CD300LG: variants seen among roughly 807,000 people sequenced by gnomAD.
CD300LG encodes CD300 molecule like family member g.
Under a neutral mutation model 31.5 loss-of-function variants are expected in CD300LG, and 29 were observed. The ratio of observed to expected loss-of-function variants is 0.92; its 90% CI spans 0.68 to 1.25. CD300LG has a LOEUF of 1.25. Among genes scored for constraint, CD300LG ranks in the 50% most tolerant of loss-of-function variants. The pLI, the probability that CD300LG is intolerant of heterozygous loss-of-function variation, is 0.00. For synonymous variants in CD300LG, 175 were observed against 177.2 expected (o/e 0.99, Z 0.10); for missense variants, 396 against 417.6 (o/e 0.95, Z 0.45).
Position 43,857,117 on chromosome 17 carries a change from G to C in CD300LG, c.846G>C (p.Thr282=). ...CATCTCTTTCAGCTCAACAGGCCAC[G>C]GAGACACAGAGGAACGAGAAGTTCT... The part of the protein sequence containing the change: ...LLWRKEAQQA[T]ETQRNEKFCL... Residue 282 remains threonine, a synonymous_variant, in exon 6 of 7, where the codon ACG becomes ACC. Transcript: ENST00000317310. 6.2e-7 allele frequency: 1 copy of C among 1,614,122 alleles called. No individual in the cohort carries two copies. The highest frequency in any genetic ancestry group is 8.5e-7 in the Non-Finnish European group (1 of 1,180,020).
intron 2 of CD300LG, chr17:43,849,954 T>C (rs947925732): frequency 6.6e-6 from 1 of 152,262 alleles, no homozygotes; most frequent in Admixed American, 6.5e-5. Flanking sequence ...ATTTACAAGA[T>C]TCTCTTATCT....
intron 2 of CD300LG, 197 bp downstream of exon 2, chr17:43,849,090 G>A (rs142377665): frequency 5.9e-4 from 362 of 608,626 alleles, no homozygotes; most frequent in African/African-American, 5.8e-3. Flanking sequence ...CTTGCTGCCC[G>A]AGGTCACACC....
Position 43,862,314 on chromosome 17 carries a change from C to A in CD300LG, c.*403C>A. ...CCAGACCCCACCTTGTCTTCCCTCCCTGGCGTCCTCAGACTTAGTCCCACG... is the reference window on the plus strand; with the variant it reads ...CCAGACCCCACCTTGTCTTCCCTCCATGGCGTCCTCAGACTTAGTCCCACG... On this transcript the variant is annotated 3_prime_UTR_variant, in exon 7 of 7. Coordinates refer to ENST00000317310, the MANE Select transcript of CD300LG (RefSeq NM_145273.4). The A allele has an allele frequency of 6.5e-6, 1 of 154,418 alleles. No homozygotes were observed. 9.6% of individuals were successfully genotyped at this position (154,418 alleles called of 1,614,324 possible).
rs2046670705 is a variant in CD300LG, at chr17:43,862,432, GGAAGCCTGT to G, written c.*525_*533del. 6.6e-6 allele frequency: 1 copy of G among 152,246 alleles called. No homozygotes were observed. The highest frequency in any genetic ancestry group is 2.1e-4 in the South Asian group (1 of 4,818). The allele number at this position is 152,246 out of a possible 1,614,324, so 9.4% of individuals were successfully genotyped here. Reference sequence around the variant, plus strand: ...GAACCACCTGCATCCCAGCCCTTCAGGAAGCCTGTGAAAAACGTGATTCCTGGGCCCCAC... The same window carrying G: ...GAACCACCTGCATCCCAGCCCTTCAGGAAAAACGTGATTCCTGGGCCCCAC... On this transcript the variant is annotated 3_prime_UTR_variant, in exon 7 of 7. Transcript: ENST00000317310.
At chr17:43,861,736 C>A in intron 6 of CD300LG, 62 bp from the exon 7 acceptor site, 1 of 1,134,094 alleles carries the variant, frequency 8.8e-7, no homozygotes, top group Non-Finnish European at 1.2e-6. Context: ...GGGGACCACC[C>A]CTCACACCTC....
chr17:43,851,640 A>ATTTTT (rs60784804), intron 2 of CD300LG, among the ~76,000 whole-genome samples: 2 of 111,870 alleles, frequency 1.8e-5, no homozygotes, highest in Non-Finnish European at 3.6e-5. Flanking sequence ...GAGGACAGGA[A>ATTTTT]TTTTTTTTTT....
intron 1 of CD300LG, among the ~76,000 whole-genome samples, chr17:43,848,084 T>C (rs1290137086): frequency 6.6e-6 from 1 of 151,850 alleles, no homozygotes; most frequent in Non-Finnish European, 1.5e-5. Context: ...CTACTAAAAA[T>C]ACAAAAAATT....
chr17:43,853,804 T>C lies in CD300LG; in HGVS notation c.482-3T>C. 1 of 1,612,018 alleles carries C rather than the reference T, an allele frequency of 6.2e-7. No individual in the cohort carries two copies. The highest frequency in any genetic ancestry group is 8.5e-7 in the Non-Finnish European group (1 of 1,178,656). ...TGCTGAGGCATTGCTTTTGGACTTG[T>C]AGCTTCTCCTGGGCTCTACCCGGCA... On this transcript the variant is annotated splice_region_variant and splice_polypyrimidine_tract_variant and intron_variant, in intron 3 of 6. Coordinates refer to ENST00000317310, the MANE Select transcript of CD300LG (RefSeq NM_145273.4).
At chr17:43,849,041 C>T (rs941163079) in intron 2 of CD300LG, 148 bp downstream of exon 2, 8 of 718,606 alleles carry the variant, frequency 1.1e-5, no homozygotes, top group Non-Finnish European at 1.8e-5. Context: ...AGGCTTGGGG[C>T]ACAGAAGGAG....
At position 43,857,018 on chromosome 17, in the gene CD300LG, G is replaced by A. The variant is rs564218532; in HGVS notation, c.833-86G>A. On this transcript the variant is annotated intron_variant, in intron 5 of 6. Transcript: ENST00000317310. ...AAGCCCCTGCTCCCGTGTGCAAGGGGGCCAGTCCACCTTTCTGGGAGCAGC... is the reference window on the plus strand; with the variant it reads ...AAGCCCCTGCTCCCGTGTGCAAGGGAGCCAGTCCACCTTTCTGGGAGCAGC... 15 of 1,375,096 alleles carry A rather than the reference G, an allele frequency of 1.1e-5. No homozygotes were observed. The South Asian group carries it at 1.5e-4, about 14-fold the overall frequency. The allele number at this position is 1,375,096 out of a possible 1,614,324, so 85.2% of individuals were successfully genotyped here. A position where few individuals can be genotyped will look rare whatever the true frequency, so the allele number is the denominator to read the frequency against.
intron 6 of CD300LG, chr17:43,858,107 G>A (rs578191163): frequency 1.9e-5 from 26 of 1,365,958 alleles, no homozygotes; most frequent in South Asian, 9.6e-5. Flanking sequence ...GCAGGAAAGC[G>A]GAGCTACCAT....
At position 43,853,832 on chromosome 17, in the gene CD300LG, C is replaced by G. The variant is rs775570666; in HGVS notation, c.507C>G (p.Ala169=). 6.2e-7 allele frequency: 1 copy of G among 1,614,004 alleles called. No individual in the cohort carries two copies. The highest frequency in any genetic ancestry group is 8.5e-7 in the Non-Finnish European group (1 of 1,179,948). ...GLTSPGLYPA[A]TTAKQGKTGA... is the part of the protein sequence containing the mutation. Reference sequence around the variant, plus strand: ...CTTCTCCTGGGCTCTACCCGGCAGCCACCACAGCCAAGCAGGGGAAGACAG... The same window carrying G: ...CTTCTCCTGGGCTCTACCCGGCAGCGACCACAGCCAAGCAGGGGAAGACAG... Residue 169 remains alanine, a synonymous_variant, in exon 4 of 7, where the codon GCC becomes GCG. Transcript: ENST00000317310.
intron 2 of CD300LG, chr17:43,850,015 G>A (rs1158728244): frequency 6.6e-6 from 1 of 152,186 alleles, no homozygotes; most frequent in Admixed American, 6.5e-5. Flanking sequence ...TTATGATCAA[G>A]TTCGCTTGTG....
chr17:43,857,906 C>T, intron 6 of CD300LG: 3 of 1,536,344 alleles, frequency 2.0e-6, no homozygotes. Flanking sequence ...AATAAGGGTC[C>T]CTGTGCCCAT....
chr17:43,861,111 T>C, intron 6 of CD300LG: 1 of 985,334 alleles, frequency 1.0e-6, no homozygotes. Flanking sequence ...GAACAGGCTG[T>C]TCTGACCAAG....
chr17:43,853,731 G>A (rs968010374), intron 3 of CD300LG, 76 bp from the exon 4 acceptor site: 4 of 1,241,560 alleles, frequency 3.2e-6, no homozygotes, highest in Admixed American at 3.7e-5. Context: ...GGGTTCAGGG[G>A]TCCAGGGTCA....
intron 6 of CD300LG, among the ~76,000 whole-genome samples, chr17:43,858,845 G>T (rs186034286): frequency 1.6e-3 from 242 of 152,256 alleles, no homozygotes; most frequent in Non-Finnish European, 2.7e-3. Context: ...AGTCTTAGGG[G>T]TCAGACCAGC....
chr17:43,855,462 C>T, intron 5 of CD300LG, 143 bp downstream of exon 5: 1 of 500,704 alleles, frequency 2.0e-6, no homozygotes, highest in Non-Finnish European at 3.5e-6. Flanking sequence ...GAGCTGTGGC[C>T]TCCCTTCTGA....
In CD300LG at chr17:43,848,826, G is replaced by A. The variant is rs1407667882; in HGVS notation, c.312G>A (p.Glu104=). Residue 104 remains glutamate (E), a synonymous_variant, in exon 2 of 7, where the codon GAG becomes GAA. Transcript: ENST00000317310. ...LWNLTLQDAG[E]YWCGVEKRGP... ...ACCTCACCCTGCAAGACGCTGGGGAGTACTGGTGTGGGGTCGAAAAACGGG... is the reference window on the plus strand; with the variant it reads ...ACCTCACCCTGCAAGACGCTGGGGAATACTGGTGTGGGGTCGAAAAACGGG... 4 of 1,614,030 alleles carry A rather than the reference G, an allele frequency of 2.5e-6. No individual in the cohort carries two copies. The highest frequency in any genetic ancestry group is 3.4e-6 in the Non-Finnish European group (4 of 1,180,044).
Sources: allele counts gnomAD v4.1 joint callset (sites outside exome capture counted in the v4.1 genomes callset), GRCh38; gene constraint gnomAD v4.1.1; transcripts MANE v1.5; gene names NCBI Gene and HGNC (gene_info 2026-07-23, HGNC 2026-07-21).